The following PDZD2 variants were observed in gnomAD, a reference collection of about 807,000 sequenced individuals.
PDZD2 encodes the protein PDZ domain containing 2.
Under a neutral mutation model 220.7 loss-of-function variants are expected in PDZD2, and 90 were observed. The observed-to-expected ratio is 0.41, with a 90% CI of 0.34 to 0.49. PDZD2 has a LOEUF of 0.49. Ranked by LOEUF, PDZD2 falls within the 20% of genes least tolerant of loss-of-function variation. The pLI is 0.28. For missense variants in PDZD2, 3,174 were observed against 3,608.5 expected, an observed-to-expected ratio of 0.88 and a Z score of 3.08; for synonymous variants, 1,375 against 1,450.5, an observed-to-expected ratio of 0.95 and a Z score of 1.18.
chr5:31,860,159 T>C (rs541994469), intron 2 of PDZD2, among the ~76,000 whole-genome samples: 4 of 152,224 alleles, frequency 2.6e-5, no homozygotes, highest in African/African-American at 9.6e-5. Flanking sequence ...GACTGTCTTA[T>C]TCACCTGTTT....
At chr5:31,797,099 T>TTA (rs1399567767) in intron 1 of PDZD2, among the ~76,000 whole-genome samples, 2 of 124,320 alleles carry the variant, frequency 1.6e-5, no homozygotes, top group African/African-American at 5.6e-5. Context: ...AGCTAATTTT[T>TTA]TTTTTTTTTT....
At chr5:32,006,681 C>CA (rs1752834072) in intron 5 of PDZD2, among the ~76,000 whole-genome samples, 1 of 116,676 alleles carries the variant, frequency 8.6e-6, no homozygotes. Flanking sequence ...GGCTCAACAC[C>CA]TTTTTTTTTT....
At chr5:31,766,630 C>G (rs6865160) in intron 1 of PDZD2, among the ~76,000 whole-genome samples, 70,222 of 152,054 alleles carry the variant, frequency 0.46, 16,593 homozygotes, top group Middle Eastern at 0.55. Flanking sequence ...GGGCTTAAGA[C>G]ATCTGCCCGC....
intron 2 of PDZD2, among the ~76,000 whole-genome samples, chr5:31,877,218 T>G (rs981799193): frequency 6.6e-6 from 1 of 152,042 alleles, no homozygotes; most frequent in Non-Finnish European, 1.5e-5. Context: ...TTTTTGTTTG[T>G]TTGTTTGTTT....
chr5:31,989,611 A>AG (rs1751053190), intron 3 of PDZD2, among the ~76,000 whole-genome samples: 1 of 151,690 alleles, frequency 6.6e-6, no homozygotes, highest in African/African-American at 2.4e-5. Context: ...TTTAGTAGAG[A>AG]GGGGGTTTTA....
intron 1 of PDZD2, among the ~76,000 whole-genome samples, chr5:31,765,685 G>C (rs1018029191): frequency 2.0e-5 from 3 of 152,140 alleles, no homozygotes; most frequent in Non-Finnish European, 4.4e-5. Context: ...CTGTGATTTA[G>C]TTCTGTGTTG....
chr5:31,832,168 CA>C (rs1304030266), intron 2 of PDZD2, among the ~76,000 whole-genome samples: 1 of 152,136 alleles, frequency 6.6e-6, no homozygotes, highest in East Asian at 1.9e-4. Flanking sequence ...GTTTGGATTA[CA>C]GGCATGAGCC....
intron 1 of PDZD2, among the ~76,000 whole-genome samples, chr5:31,699,294 T>C (rs1747514172): frequency 6.6e-6 from 1 of 152,208 alleles, no homozygotes; most frequent in East Asian, 1.9e-4. Context: ...GGCTAAGGAA[T>C]GGCTTCCCAG....
intron 1 of PDZD2, among the ~76,000 whole-genome samples, chr5:31,717,044 G>A (rs1748495130): frequency 6.6e-6 from 1 of 152,080 alleles, no homozygotes. Context: ...CTAAGAATTG[G>A]CTAGCTCTAG....
chr5:31,828,220 G>A (rs1407352461), intron 2 of PDZD2, among the ~76,000 whole-genome samples: 1 of 152,320 alleles, frequency 6.6e-6, no homozygotes, highest in East Asian at 1.9e-4. Context: ...GAATGGAATT[G>A]ATGATGATAT....
intron 8 of PDZD2, among the ~76,000 whole-genome samples, chr5:32,049,804 A>C (rs1194907941): frequency 6.6e-6 from 1 of 152,148 alleles, no homozygotes. Context: ...CATTGAGTAA[A>C]AGCAGAGAAA....
intron 19 of PDZD2, among the ~76,000 whole-genome samples, chr5:32,086,525 T>C (rs950830454): frequency 6.6e-6 from 1 of 152,128 alleles, no homozygotes; most frequent in Admixed American, 6.5e-5. Flanking sequence ...CAGATGTAAA[T>C]GTTTCTTCTG....
At chr5:31,848,069 A>C in intron 2 of PDZD2, 1 of 353,440 alleles carries the variant, frequency 2.8e-6, no homozygotes, top group South Asian at 2.9e-5. Flanking sequence ...GAACTATCCC[A>C]AAATGTCCCT....
intron 1 of PDZD2, among the ~76,000 whole-genome samples, chr5:31,776,051 A>G (rs1478497530): frequency 6.6e-6 from 1 of 152,178 alleles, no homozygotes; most frequent in East Asian, 1.9e-4. Flanking sequence ...CAGAAAGGCA[A>G]GAAGTCTGGT....
In PDZD2 at chr5:31,727,718, G is replaced by A. The variant is rs866063988; in HGVS notation, c.-360-71171G>A. Among the ~76,000 whole-genome samples the A allele has an allele frequency of 2.1e-3, 135 of 65,674 alleles. 1 individual carries two copies. The highest frequency in any genetic ancestry group is 7.2e-3 in the African/African-American group (116 of 16,028). 43.1% of individuals were successfully genotyped at this position (65,674 alleles called of 152,430 possible). A position where few individuals can be genotyped will look rare whatever the true frequency, so the allele number is the denominator to read the frequency against. ...CTCAATCTCAAAAAAAAAAAAAAAAGAAAGGCCGGGCGCGGTGGCTTCACC... is the reference window on the plus strand; with the variant it reads ...CTCAATCTCAAAAAAAAAAAAAAAAAAAAGGCCGGGCGCGGTGGCTTCACC... On this transcript the variant is annotated intron_variant, in intron 1 of 24. Coordinates refer to ENST00000438447, the MANE Select transcript of PDZD2 (RefSeq NM_178140.4).
intron 2 of PDZD2, among the ~76,000 whole-genome samples, chr5:31,905,616 T>C (rs1205292214): frequency 6.6e-6 from 1 of 152,240 alleles, no homozygotes; most frequent in East Asian, 1.9e-4. Flanking sequence ...GTGTATCTTC[T>C]TGGTCAGGAA....
At chr5:31,974,323 G>A (rs1749561926) in intron 2 of PDZD2, among the ~76,000 whole-genome samples, 1 of 151,966 alleles carries the variant, frequency 6.6e-6, no homozygotes, top group Non-Finnish European at 1.5e-5. Context: ...TTCAGGCTGG[G>A]CGACAGAGTG....
At chr5:31,806,634 A>T (rs1431283469) in intron 2 of PDZD2, among the ~76,000 whole-genome samples, 1 of 152,208 alleles carries the variant, frequency 6.6e-6, no homozygotes, top group Non-Finnish European at 1.5e-5. Flanking sequence ...GCTCCATCAC[A>T]TCCACTCTGG....
chr5:31,658,085 A>C (rs1190424864), intron 1 of PDZD2, among the ~76,000 whole-genome samples: 3 of 152,196 alleles, frequency 2.0e-5, no homozygotes, highest in Non-Finnish European at 2.9e-5. Context: ...TGAAAGAAAA[A>C]ATAATCACCC....
Sources: allele counts gnomAD v4.1 joint callset (sites outside exome capture counted in the v4.1 genomes callset), GRCh38; gene constraint gnomAD v4.1.1; transcripts MANE v1.5; gene names NCBI Gene and HGNC (gene_info 2026-07-23, HGNC 2026-07-21).